Variants in DOCK10 observed in about 807,000 individuals in gnomAD.
The protein encoded by DOCK10 is dedicator of cytokinesis protein 10.
Under a neutral mutation model 280.1 loss-of-function variants are expected in DOCK10, and 145 were observed. The observed-to-expected ratio is 0.52, with a 90% CI of 0.45 to 0.59. DOCK10 has a LOEUF of 0.59. Among genes scored for constraint, DOCK10 ranks in the 20% least tolerant of loss-of-function variants. DOCK10 has a pLI of 0.00. For synonymous variants in DOCK10, 915 were observed against 942.2 expected (o/e 0.97, Z 0.53); for missense variants, 2,368 against 2,651.7 (o/e 0.89, Z 2.35).
At chr2:224,974,463 G>T (rs1575137374) in intron 1 of DOCK10, among the ~76,000 whole-genome samples, 1 of 151,996 alleles carries the variant, frequency 6.6e-6, no homozygotes, top group East Asian at 1.9e-4. Context: ...ATTTATATCT[G>T]GTTTGCCAAA....
At chr2:224,876,298 T>C in intron 7 of DOCK10, 77 bp from the exon 8 acceptor site, 1 of 1,313,996 alleles carries the variant, frequency 7.6e-7, no homozygotes, top group Non-Finnish European at 1.0e-6. Flanking sequence ...TTATGTGGGC[T>C]TGAGGTTCCA....
At chr2:224,924,024 TAA>T (rs1701920958) in intron 2 of DOCK10, among the ~76,000 whole-genome samples, 1 of 152,180 alleles carries the variant, frequency 6.6e-6, no homozygotes. Flanking sequence ...AACTGTAAAA[TAA>T]GTTTTGCCAT....
chr2:224,876,339 A>C, intron 7 of DOCK10, 118 bp from the exon 8 acceptor site: 2 of 918,830 alleles, frequency 2.2e-6, no homozygotes, highest in Non-Finnish European at 3.1e-6. Context: ...GATAACATAA[A>C]GAAAATTTTC....
rs759094163 is a variant in DOCK10 at position 224,876,026 on chromosome 2, A to G, written c.931+12T>C. On this transcript the variant is annotated intron_variant, in intron 8 of 55. Coordinates refer to ENST00000258390, the MANE Select transcript of DOCK10 (RefSeq NM_014689.3). ...TGGACAAAGGAAGGAAGACGGCTTC[A>G]TATGCTCTCACCCAGACCCAGATCA... The G allele has an allele frequency of 1.9e-6, 3 of 1,605,988 alleles. No homozygotes were observed. Among genetic ancestry groups the G allele is most frequent in the South Asian group, 2.2e-5 (2 of 89,580 alleles).
intron 1 of DOCK10, among the ~76,000 whole-genome samples, chr2:225,019,797 T>C (rs1482791078): frequency 6.6e-6 from 1 of 152,204 alleles, no homozygotes; most frequent in African/African-American, 2.4e-5. Flanking sequence ...GTTCTCATTA[T>C]ACAAAGCATG....
chr2:224,800,052 T>C (rs1692870131), intron 41 of DOCK10, 99 bp downstream of exon 41: 2 of 651,192 alleles, frequency 3.1e-6, no homozygotes, highest in South Asian at 4.2e-5. Flanking sequence ...GGTTAATTGA[T>C]TTCATAAATA....
chr2:224,978,250 T>A (rs2126239286), intron 1 of DOCK10, among the ~76,000 whole-genome samples: 1 of 152,126 alleles, frequency 6.6e-6, no homozygotes, highest in Middle Eastern at 3.4e-3. Flanking sequence ...CTGGCCCACA[T>A]GGTGATACCT....
chr2:224,837,798 C>T lies in DOCK10; in HGVS notation c.2814G>A (p.Glu938=), dbSNP rs552028878. Residue 938 remains glutamate, a synonymous_variant, in exon 25 of 56, where the codon GAG becomes GAA. Coordinates refer to ENST00000258390, the MANE Select transcript of DOCK10 (RefSeq NM_014689.3). ...ACTGGACAGAATGATCCAGCTGCTC[C>T]TCATGGCACTTGGCCACAATGTCGG... ...VLTDIVAKCH[E]EQLDHSVQSY... The T allele has an allele frequency of 6.2e-7, 1 of 1,613,944 alleles. No individual in the cohort carries two copies. Among genetic ancestry groups the T allele is most frequent in the East Asian group, 2.2e-5 (1 of 44,884 alleles).
intron 1 of DOCK10, among the ~76,000 whole-genome samples, chr2:224,964,130 T>C (rs548365301): frequency 3.2e-4 from 49 of 152,260 alleles, no homozygotes; most frequent in Admixed American, 3.2e-3. Context: ...TGAGATGTCT[T>C]ATGTGTTTTC....
At chr2:225,010,568 G>C (rs1689404010) in intron 1 of DOCK10, 1 of 154,238 alleles carries the variant, frequency 6.5e-6, no homozygotes, top group African/African-American at 2.4e-5. Context: ...GTTTCTTTTA[G>C]AAGAGCAGAC....
chr2:225,001,512 TCTC>T (rs1205033504), intron 1 of DOCK10, among the ~76,000 whole-genome samples: 2 of 152,002 alleles, frequency 1.3e-5, no homozygotes, highest in African/African-American at 4.8e-5. Context: ...ATGGTCTTGA[TCTC>T]CTGACCTTGT....
intron 4 of DOCK10, among the ~76,000 whole-genome samples, chr2:224,892,562 A>C (rs1368531992): frequency 6.6e-6 from 1 of 152,142 alleles, no homozygotes; most frequent in Non-Finnish European, 1.5e-5. Flanking sequence ...GTAACATTTA[A>C]ATTGAGGAGG....
At chr2:224,863,515 G>C (rs1697667007) in intron 13 of DOCK10, among the ~76,000 whole-genome samples, 1 of 151,912 alleles carries the variant, frequency 6.6e-6, no homozygotes, top group Non-Finnish European at 1.5e-5. Flanking sequence ...TGCAGTGGCA[G>C]GATCTTGGCT....
rs1690465169 is a variant in DOCK10, at chr2:225,042,418, C to T, written c.-44G>A. On this transcript the variant is annotated 5_prime_UTR_variant, in exon 1 of 56. Transcript: ENST00000258390. The surrounding 1 kb of genome is among the most constrained non-coding windows in gnomAD (Gnocchi z 5.1). ...CGCCGCGGGCCCGGGGCGCGCCTCC[C>T]GCCGGTCTTCCCCGCGCCAACCTTC... The T allele has an allele frequency of 8.1e-6, 10 of 1,228,806 alleles. No individual in the cohort carries two copies. In the Admixed American group the frequency reaches 1.3e-4, roughly 16 times the overall value. 76.1% of individuals were successfully genotyped at this position (1,228,806 alleles called of 1,614,324 possible).
intron 50 of DOCK10, among the ~76,000 whole-genome samples, chr2:224,781,841 T>C (rs1009175382): frequency 1.3e-5 from 2 of 152,198 alleles, no homozygotes; most frequent in Non-Finnish European, 2.9e-5. Flanking sequence ...ACTAAAAGCA[T>C]TGACTCCTCC....
intron 1 of DOCK10, among the ~76,000 whole-genome samples, chr2:224,941,860 A>G (rs1703107041): frequency 6.8e-6 from 1 of 146,120 alleles, no homozygotes; most frequent in Non-Finnish European, 1.5e-5. Context: ...AAAAAAAAAA[A>G]GTTTATAGGA....
chr2:224,967,324 C>T (rs574041492), intron 1 of DOCK10, among the ~76,000 whole-genome samples: 36 of 152,308 alleles, frequency 2.4e-4, no homozygotes, highest in African/African-American at 7.9e-4. Context: ...TTGTGATCTG[C>T]CCACCTCGGC....
At chr2:224,848,878 T>C (rs1335249927) in intron 19 of DOCK10, among the ~76,000 whole-genome samples, 1 of 152,116 alleles carries the variant, frequency 6.6e-6, no homozygotes, top group East Asian at 1.9e-4. Flanking sequence ...ATCTCTTCAC[T>C]AGTCAGTGAA....
At chr2:224,910,567 G>A (rs1308375065) in intron 3 of DOCK10, among the ~76,000 whole-genome samples, 1 of 152,180 alleles carries the variant, frequency 6.6e-6, no homozygotes, top group Non-Finnish European at 1.5e-5. Context: ...TGATAATGAT[G>A]ATAATAACAA....
Sources: allele counts gnomAD v4.1 joint callset (sites outside exome capture counted in the v4.1 genomes callset), GRCh38; gene constraint gnomAD v4.1.1; non-coding constraint Gnocchi (gnomAD v3.1); transcripts MANE v1.5; gene names NCBI Gene and HGNC (gene_info 2026-07-23, HGNC 2026-07-21).